RABGAP1L: variants seen among roughly 807,000 people sequenced by gnomAD.
RABGAP1L encodes RAB GTPase activating protein 1 like, also known as rab GTPase-activating protein 1-like.
RABGAP1L carries 63 observed loss-of-function variants against 137.7 expected under a neutral mutation model. That is an observed-to-expected ratio of 0.46 (90% CI 0.37 to 0.56). RABGAP1L has a LOEUF of 0.56. Among genes scored for constraint, RABGAP1L ranks in the 20% least tolerant of loss-of-function variants. RABGAP1L has a pLI of 0.00. For synonymous variants in RABGAP1L, 431 were observed against 433.7 expected (o/e 0.99, Z 0.08); for missense variants, 1,095 against 1,244.0 (o/e 0.88, Z 1.80).
intron 13 of RABGAP1L, among the ~76,000 whole-genome samples, chr1:174,481,858 A>T (rs1269661639): frequency 6.6e-6 from 1 of 151,458 alleles, no homozygotes; most frequent in Non-Finnish European, 1.5e-5. Context: ...CATGTACCCT[A>T]AAACTTAAAG....
At chr1:174,632,349 G>A (rs1673472731) in intron 13 of RABGAP1L, among the ~76,000 whole-genome samples, 1 of 146,816 alleles carries the variant, frequency 6.8e-6, no homozygotes, top group Admixed American at 6.7e-5. Flanking sequence ...TTCAACTTTG[G>A]TGAATCTGAG....
intron 13 of RABGAP1L, among the ~76,000 whole-genome samples, chr1:174,635,881 G>T (rs775250233): frequency 3.3e-5 from 5 of 152,042 alleles, no homozygotes; most frequent in Non-Finnish European, 5.9e-5. Context: ...TGTATACTTC[G>T]CAGCTATCAA....
intron 11 of RABGAP1L, among the ~76,000 whole-genome samples, chr1:174,335,900 C>A (rs1388795491): frequency 6.6e-6 from 1 of 152,124 alleles, no homozygotes; most frequent in African/African-American, 2.4e-5. Flanking sequence ...CAAAATAATT[C>A]TATTTCTGTT....
chr1:174,418,717 A>G (rs6425279), intron 13 of RABGAP1L, among the ~76,000 whole-genome samples: 87,341 of 152,006 alleles, frequency 0.57, 27,473 homozygotes, highest in African/African-American at 0.85. Flanking sequence ...CCAACATTTC[A>G]TCATTTTAAT....
intron 24 of RABGAP1L, among the ~76,000 whole-genome samples, chr1:174,985,303 G>A (rs576584082): frequency 5.8e-4 from 89 of 152,354 alleles, no homozygotes; most frequent in African/African-American, 2.0e-3. Context: ...TGAAGTGGGA[G>A]GATCGCTTGA....
At chr1:174,726,014 C>T (rs1454065798) in intron 17 of RABGAP1L, among the ~76,000 whole-genome samples, 1 of 151,878 alleles carries the variant, frequency 6.6e-6, no homozygotes, top group African/African-American at 2.4e-5. Context: ...TTAAAACAAA[C>T]AAACAAAAGA....
chr1:174,296,163 T>G (rs1677112629), intron 10 of RABGAP1L, among the ~76,000 whole-genome samples: 2 of 152,194 alleles, frequency 1.3e-5, no homozygotes, highest in Non-Finnish European at 1.5e-5. Context: ...AAAGTATCAG[T>G]TACTGCAAGG....
chr1:174,737,907 G>C (rs1341065128), intron 17 of RABGAP1L, among the ~76,000 whole-genome samples: 1 of 152,138 alleles, frequency 6.6e-6, no homozygotes, highest in East Asian at 1.9e-4. Context: ...GATCTTGTGT[G>C]AACTACCAGA....
intron 18 of RABGAP1L, among the ~76,000 whole-genome samples, chr1:174,794,372 G>A (rs1288799483): frequency 6.6e-6 from 1 of 152,094 alleles, no homozygotes; most frequent in East Asian, 1.9e-4. Flanking sequence ...TAAACGCAAT[G>A]TATTTTTACA....
intron 19 of RABGAP1L, chr1:174,874,449 TA>T (rs2149064982): frequency 2.0e-6 from 2 of 985,212 alleles, no homozygotes; most frequent in Non-Finnish European, 2.4e-6. Flanking sequence ...GAGGACCATC[TA>T]TTTGGTTACC....
chr1:174,487,716 T>TCCTTCCA (rs1659806491), intron 13 of RABGAP1L, among the ~76,000 whole-genome samples: 1 of 152,182 alleles, frequency 6.6e-6, no homozygotes, highest in Non-Finnish European at 1.5e-5. Flanking sequence ...CTTCCTGTCT[T>TCCTTCCA]CCTTTTGGTT....
chr1:174,600,013 AAG>A (rs1670292795), intron 13 of RABGAP1L, among the ~76,000 whole-genome samples: 1 of 152,104 alleles, frequency 6.6e-6, no homozygotes, highest in Non-Finnish European at 1.5e-5. Context: ...TGGGAAGAAA[AAG>A]AGGTTTAATT....
intron 19 of RABGAP1L, among the ~76,000 whole-genome samples, chr1:174,876,027 TCTTATAAGCTA>T (rs767005797): frequency 6.6e-6 from 1 of 152,198 alleles, no homozygotes; most frequent in Admixed American, 6.5e-5. Flanking sequence ...TTGTGCTCGC[TCTTATAAGCTA>T]GAATGCTATA....
At chr1:174,602,033 A>G (rs1670454929) in intron 13 of RABGAP1L, among the ~76,000 whole-genome samples, 1 of 152,182 alleles carries the variant, frequency 6.6e-6, no homozygotes, top group Admixed American at 6.5e-5. Flanking sequence ...GGGAAGTTCC[A>G]AACTTTCCCA....
chr1:174,595,591 C>T lies in RABGAP1L; in HGVS notation c.1711-41784C>T, dbSNP rs565945552. Among the ~76,000 whole-genome samples, 942 of 148,648 alleles carry T rather than the reference C, an allele frequency of 6.3e-3. 13 individuals carry two copies. The highest frequency in any genetic ancestry group is 0.023 in the African/African-American group (907 of 39,738). ...TTCTAACAGACAGGACCCTCAGCTG[C>T]AGGTCTGTTGGAATACCCTGCGATG... On this transcript the variant is annotated intron_variant, in intron 13 of 25. Coordinates refer to ENST00000681986, the MANE Select transcript of RABGAP1L (RefSeq NM_001366446.1).
At chr1:174,906,729 A>G (rs1659153271) in intron 19 of RABGAP1L, among the ~76,000 whole-genome samples, 1 of 152,050 alleles carries the variant, frequency 6.6e-6, no homozygotes, top group Non-Finnish European at 1.5e-5. Flanking sequence ...AGATATCCCA[A>G]GGGATATAGT....
intron 11 of RABGAP1L, among the ~76,000 whole-genome samples, chr1:174,327,542 A>T (rs951599293): frequency 6.6e-6 from 1 of 152,100 alleles, no homozygotes; most frequent in Admixed American, 6.5e-5. Context: ...ACTGATAGAG[A>T]AAACCTCCTA....
At chr1:174,303,770 A>G (rs1362096056) in intron 10 of RABGAP1L, among the ~76,000 whole-genome samples, 1 of 152,202 alleles carries the variant, frequency 6.6e-6, no homozygotes, top group East Asian at 1.9e-4. Flanking sequence ...CTAAGTGCAG[A>G]TGAAATATTT....
At chr1:174,224,837 T>C (rs554077443) in intron 3 of RABGAP1L, among the ~76,000 whole-genome samples, 79 of 152,344 alleles carry the variant, frequency 5.2e-4, no homozygotes, top group African/African-American at 1.9e-3. Context: ...TGAATCATTG[T>C]TCTCCTATTT....
Sources: allele counts gnomAD v4.1 joint callset (sites outside exome capture counted in the v4.1 genomes callset), GRCh38; gene constraint gnomAD v4.1.1; transcripts MANE v1.5; gene names NCBI Gene and HGNC (gene_info 2026-07-23, HGNC 2026-07-21).